The following STAB1 variants were observed in gnomAD, a reference collection of about 807,000 sequenced individuals.
STAB1 encodes the protein stabilin-1.
Under a neutral mutation model 332.4 loss-of-function variants are expected in STAB1, and 250 were observed. The ratio of observed to expected loss-of-function variants is 0.75; its 90% CI spans 0.68 to 0.84. The LOEUF is 0.84. STAB1 is among the 40% of genes least tolerant of loss of function. STAB1 has a pLI of 0.00. For synonymous variants in STAB1, 1,475 were observed against 1,390.4 expected (o/e 1.06, Z -1.35); for missense variants, 3,249 against 3,489.7 (o/e 0.93, Z 1.74).
At position 52,519,611 on chromosome 3, in the gene STAB1, TAA is replaced by T. The variant is rs766991968; in HGVS notation, c.5235+48_5235+49del. ...GTCATTGTGGACACACATGCACGTG[TAA>T]GTGTGTGCAAGTGTGTATGCGTACC... On this transcript the variant is annotated intron_variant, in intron 50 of 68. Coordinates refer to ENST00000321725, the MANE Select transcript of STAB1 (RefSeq NM_015136.3). 15 of 373,390 alleles carry T rather than the reference TAA, an allele frequency of 4.0e-5. 1 individual carries two copies. The highest frequency in any genetic ancestry group is 1.1e-4 in the Admixed American group (1 of 9,060). The allele number at this position is 373,390 out of a possible 1,614,324, so 23.1% of individuals were successfully genotyped here.
At position 52,520,836 on chromosome 3, in the gene STAB1, G is replaced by C. The variant is rs542843097; in HGVS notation, c.5739G>C (p.Pro1913=). 1 of 1,612,800 alleles carries C rather than the reference G, an allele frequency of 6.2e-7. No individual in the cohort carries two copies. The highest frequency in any genetic ancestry group is 8.5e-7 in the Non-Finnish European group (1 of 1,180,008). The change falls in exon 55 of 69, where the codon CCG becomes CCC. Residue 1913 remains proline (P), a synonymous_variant. Transcript: ENST00000321725. ...GSPEACWRFY[P]KFWTSPPLHS... is the part of the protein sequence containing the mutation. Reference sequence around the variant, plus strand: ...CTGAGGCCTGCTGGCGCTTCTACCCGAAGTTCTGGACGTCCCCTCCGCTGC... The same window carrying C: ...CTGAGGCCTGCTGGCGCTTCTACCCCAAGTTCTGGACGTCCCCTCCGCTGC...
chr3:52,514,025 CTG>C (rs1335875601), intron 32 of STAB1, 44 bp downstream of exon 32: 7 of 1,592,134 alleles, frequency 4.4e-6, no homozygotes, highest in African/African-American at 4.0e-5. Flanking sequence ...TCGGGGGACA[CTG>C]TGCCCCAGGT....
chr3:52,501,782 C>A, intron 3 of STAB1, 29 bp downstream of exon 3: 1 of 1,541,250 alleles, frequency 6.5e-7, no homozygotes, highest in Non-Finnish European at 8.8e-7. Flanking sequence ...CCCCGCCTTG[C>A]GCCTCCCACC....
Position 52,520,041 on chromosome 3 carries a change from G to A in STAB1, c.5333G>A (p.Arg1778His), listed in dbSNP as rs147045728. The A allele has an allele frequency of 1.9e-5, 31 of 1,612,334 alleles. No individual in the cohort carries two copies. The highest frequency in any genetic ancestry group is 3.3e-5 in the South Asian group (3 of 91,074). Reference protein sequence around the residue: ...DAAFRALPPDRQAWLYHEDHR... With the variant: ...DAAFRALPPDHQAWLYHEDHR... ...GCCTTTCGAGCTCTGCCTCCGGATC[G>A]CCAGGCCTGGCTGTACCATGAGGAC... The change falls in exon 51 of 69, where the codon CGC becomes CAC. Residue 1778 changes from arginine (R) to histidine (H), a missense_variant. Coordinates refer to ENST00000321725, the MANE Select transcript of STAB1 (RefSeq NM_015136.3).
intron 2 of STAB1, 81 bp from the exon 3 acceptor site, chr3:52,501,557 C>T: frequency 1.5e-6 from 2 of 1,349,238 alleles, no homozygotes; most frequent in South Asian, 1.3e-5. Flanking sequence ...GGGTGGGAGC[C>T]CCGGAAGCCA....
chr3:52,503,529 A>C lies in STAB1; in HGVS notation c.880A>C (p.Lys294Gln), dbSNP rs1464229654. ...CAACTCTACTTTGTGTGTGTACCAGAAGCCGGGCCAGGTGAGCCAGGGTCC... is the reference window on the plus strand; with the variant it reads ...CAACTCTACTTTGTGTGTGTACCAGCAGCCGGGCCAGGTGAGCCAGGGTCC... The part of the protein sequence containing the change: ...PSNSTLCVYQ[K>Q]PGQAFCTCRP... The change falls in exon 8 of 69, where the codon AAG (lysine) becomes CAG (glutamine). Residue 294 changes from lysine to glutamine, a missense_variant. Transcript: ENST00000321725. The C allele has an allele frequency of 6.2e-7, 1 of 1,613,178 alleles. No homozygotes were observed. The highest frequency in any genetic ancestry group is 1.3e-5 in the African/African-American group (1 of 74,918).
Position 52,517,352 on chromosome 3 carries a change from T to G in STAB1, c.4522T>G (p.Cys1508Gly), listed in dbSNP as rs985349667. 9 of 1,603,604 alleles carry G rather than the reference T, an allele frequency of 5.6e-6. No individual in the cohort carries two copies. The highest frequency in any genetic ancestry group is 7.7e-6 in the Non-Finnish European group (9 of 1,175,692). ...INSCLIHHGG[C>G]HIHAECIPTG... is the part of the protein sequence containing the mutation. ...CAGCTGTCTCATCCACCACGGGGGC[T>G]GCCACATTCACGCCGAGTGCATCCC... The change falls in exon 43 of 69, where the codon TGC (cysteine) becomes GGC (glycine). Residue 1508 changes from cysteine (C) to glycine (G), a missense_variant. By Grantham distance (159) the Cys-to-Gly change is radical. Coordinates refer to ENST00000321725, the MANE Select transcript of STAB1 (RefSeq NM_015136.3).
rs761370308 is a variant in STAB1 at position 52,507,622 on chromosome 3, G to A, written c.1999G>A (p.Val667Met). 6.2e-7 allele frequency: 1 copy of A among 1,613,596 alleles called. No homozygotes were observed. Among genetic ancestry groups the A allele is most frequent in the Non-Finnish European group, 8.5e-7 (1 of 1,179,962 alleles). ...CCCCTGCCCTGCCCAGGGCTCCTGT[G>A]TGGACTGCCAAGCCCTGAACACCAG... ...EQHKIVAGSCVDCQALNTSTC... is the reference protein window; with the variant it reads ...EQHKIVAGSCMDCQALNTSTC... Residue 667 changes from valine to methionine, a missense_variant, in exon 19 of 69, where the codon GTG becomes ATG. By Grantham distance (21) the Val-to-Met change is conservative. Transcript: ENST00000321725.
At chr3:52,507,188 G>A (rs1708938081) in intron 18 of STAB1, among the ~76,000 whole-genome samples, 1 of 152,226 alleles carries the variant, frequency 6.6e-6, no homozygotes, top group South Asian at 2.1e-4. Flanking sequence ...GGGATTACAG[G>A]TGTCCGCCAA....
intron 1 of STAB1, among the ~76,000 whole-genome samples, chr3:52,497,904 C>T (rs916154934): frequency 3.9e-5 from 6 of 152,124 alleles, no homozygotes; most frequent in Admixed American, 3.3e-4. Context: ...GTTTGGGCAG[C>T]GAGGCAGGAA....
rs768547221 is a variant in STAB1 at position 52,513,271 on chromosome 3, G to A, written c.3270+30G>A. On this transcript the variant is annotated intron_variant, in intron 30 of 68. Coordinates refer to ENST00000321725, the MANE Select transcript of STAB1 (RefSeq NM_015136.3). ...GTGGTGAACTCTGGGCAGAAAAGGG[G>A]ACCAGGTAGGGCATGGGAGGGAGCC... 19 of 1,544,056 alleles carry A rather than the reference G, an allele frequency of 1.2e-5. No homozygotes were observed. In the South Asian group the frequency reaches 1.9e-4, roughly 16 times the overall value.
intron 55 of STAB1, 144 bp downstream of exon 55, chr3:52,521,149 C>G: frequency 8.3e-7 from 1 of 1,204,332 alleles, no homozygotes. Context: ...AGCGGGAGTG[C>G]TCGGGAGAGG....
In STAB1 at chr3:52,507,948, G is replaced by A. The variant is rs1249003540; in HGVS notation, c.2070G>A (p.Glu690=). The change falls in exon 20 of 69, where the codon GAG becomes GAA. Residue 690 remains glutamate (E), a synonymous_variant. Coordinates refer to ENST00000321725, the MANE Select transcript of STAB1 (RefSeq NM_015136.3). ...CACCCTAGGACATCTTCCCCAAGGA[G>A]TGTGTCTACATCCATGACCCAACGG... ...NSVKLDIFPK[E]CVYIHDPTGL... 6.2e-7 allele frequency: 1 copy of A among 1,613,636 alleles called. No individual in the cohort carries two copies.
chr3:52,513,484 CCT>C (rs1559698740), intron 30 of STAB1, among the ~76,000 whole-genome samples: 2 of 152,210 alleles, frequency 1.3e-5, no homozygotes, highest in African/African-American at 4.8e-5. Context: ...CACACCCGCC[CCT>C]GTCACCACGG....
At chr3:52,502,307 C>A (rs978611760) in intron 5 of STAB1, 79 bp downstream of exon 5, 7 of 1,462,702 alleles carry the variant, frequency 4.8e-6, no homozygotes, top group Non-Finnish European at 6.5e-6. Context: ...CAACCAGCTC[C>A]CACCTGTCCC....
intron 14 of STAB1, 40 bp downstream of exon 14, chr3:52,505,421 G>A: frequency 6.3e-7 from 1 of 1,589,576 alleles, no homozygotes; most frequent in South Asian, 1.1e-5. Flanking sequence ...GTGGGCTTCT[G>A]GGCTTCTGAG....
At chr3:52,508,247 T>A in intron 20 of STAB1, 26 bp from the exon 21 acceptor site, 1 of 1,598,048 alleles carries the variant, frequency 6.3e-7, no homozygotes, top group Non-Finnish European at 8.6e-7. Flanking sequence ...CCAGATGGCC[T>A]CTTGGACCTG....
intron 30 of STAB1, 134 bp downstream of exon 30, chr3:52,513,375 T>C (rs1709437141): frequency 2.3e-6 from 2 of 866,132 alleles, no homozygotes; most frequent in Non-Finnish European, 3.5e-6. Flanking sequence ...AGAGCCGGGC[T>C]CAAAGGATGT....
At position 52,508,584 on chromosome 3, in the gene STAB1, C is replaced by T. The variant is rs183031914; in HGVS notation, c.2235+225C>T. 259 of 532,446 alleles carry T rather than the reference C, an allele frequency of 4.9e-4. 1 individual carries two copies. In the East Asian group the frequency reaches 5.9e-3, roughly 12 times the overall value. 33.0% of individuals were successfully genotyped at this position (532,446 alleles called of 1,614,324 possible). On this transcript the variant is annotated intron_variant, in intron 21 of 68. Coordinates refer to ENST00000321725, the MANE Select transcript of STAB1 (RefSeq NM_015136.3). ...TGCCTGTAATCCCAGCACTTTGAGACGCTGAGGCGGGCAGATCACTTGAGG... is the reference window on the plus strand; with the variant it reads ...TGCCTGTAATCCCAGCACTTTGAGATGCTGAGGCGGGCAGATCACTTGAGG...
Sources: gnomAD v4.1 joint callset for allele counts (sites outside exome capture counted in the v4.1 genomes callset) on GRCh38, gnomAD v4.1.1 for gene constraint, MANE v1.5 for transcripts, NCBI Gene and HGNC (gene_info 2026-07-23, HGNC 2026-07-21) for gene names.